ADCYAP1: variants seen among roughly 807,000 people sequenced by gnomAD.
ADCYAP1 encodes the protein adenylate cyclase activating polypeptide 1.
A neutral mutation model predicts 18.5 loss-of-function variants in ADCYAP1; 6 were observed. That is an observed-to-expected ratio of 0.32 (90% CI 0.18 to 0.64). The LOEUF (loss-of-function observed/expected upper bound fraction) is 0.64. Ranked by LOEUF, ADCYAP1 falls within the 30% of genes least tolerant of loss-of-function variation. ADCYAP1 has a pLI of 0.77. For synonymous variants in ADCYAP1, 136 were observed against 113.9 expected, an observed-to-expected ratio of 1.19 and a Z score of -1.24; for missense variants, 314 against 253.6, an observed-to-expected ratio of 1.24 and a Z score of -1.62.
chr18:904,812 GC>G, upstream of ADCYAP1: 1 of 1,285,156 alleles, frequency 7.8e-7, no homozygotes, highest in Non-Finnish European at 1.0e-6. Flanking sequence ...CTCTCTCTGC[GC>G]CCCCTTCTCT....
At position 905,304 on chromosome 18, in the gene ADCYAP1, G is replaced by A. The variant is rs569842982; in HGVS notation, c.-1-82G>A. 6.6e-5 allele frequency: 103 copies of A among 1,551,854 alleles called. 1 individual carries two copies. In the African/African-American group the frequency reaches 1.2e-3, roughly 18 times the overall value. ...GGGGCTTCGCTCCGTCCCTCCCCCGGCTTCCAGAGCTTTTTGGGGTTGGAG... is the reference window on the plus strand; with the variant it reads ...GGGGCTTCGCTCCGTCCCTCCCCCGACTTCCAGAGCTTTTTGGGGTTGGAG... On this transcript the variant is annotated intron_variant, in intron 1 of 4. Transcript: ENST00000450565.
intron 4 of ADCYAP1, 84 bp from the exon 5 acceptor site, chr18:909,362 T>A: frequency 1.4e-6 from 2 of 1,383,338 alleles, no homozygotes; most frequent in Non-Finnish European, 2.0e-6. Context: ...GGCTCCCGCG[T>A]GGGGTGGGGC....
At chr18:905,202 T>G (rs1893153) in intron 1 of ADCYAP1, 142 bp downstream of exon 1, 4 of 1,414,260 alleles carry the variant, frequency 2.8e-6, no homozygotes, top group Non-Finnish European at 2.8e-6. Flanking sequence ...ATATATATAT[T>G]TTTTTCTAAC....
rs1034569765 is a variant in ADCYAP1 at position 908,260 on chromosome 18, G to A, written c.243-5G>A. On this transcript the variant is annotated splice_region_variant and splice_polypyrimidine_tract_variant and intron_variant, in intron 3 of 4. Coordinates refer to ENST00000450565, the MANE Select transcript of ADCYAP1 (RefSeq NM_001099733.2). ...CCCTGGGCGCGCACTTTGCCTCCCCGTTAGAGATGTCGCCCACGGGATCCT... is the reference window on the plus strand; with the variant it reads ...CCCTGGGCGCGCACTTTGCCTCCCCATTAGAGATGTCGCCCACGGGATCCT... The A allele has an allele frequency of 1.5e-5, 24 of 1,610,868 alleles. No individual in the cohort carries two copies. The highest frequency in any genetic ancestry group is 1.3e-4 in the East Asian group (6 of 44,770).
rs770809469 is a variant in ADCYAP1 at position 907,708 on chromosome 18, G to A, written c.160G>A (p.Asp54Asn). 2.6e-6 allele frequency: 4 copies of A among 1,557,956 alleles called. No individual in the cohort carries two copies. The highest frequency in any genetic ancestry group is 2.4e-5 in the East Asian group (1 of 42,020). ...GGACGGAAACCCGCTGCCAGACTTC[G>A]ATGGCTCGGAGCCGCCGGGCGCAGG... ...GEDGNPLPDF[D>N]GSEPPGAGSP... Residue 54 changes from aspartate to asparagine, a missense_variant, in exon 3 of 5, where the codon GAT (aspartate) becomes AAT (asparagine). Asp to Asn is a conservative substitution (Grantham distance 23, BLOSUM62 1). Transcript: ENST00000450565.
In ADCYAP1 at chr18:908,378, A is replaced by G. The variant is rs765284213; in HGVS notation, c.341+15A>G. On this transcript the variant is annotated intron_variant, in intron 4 of 4. Coordinates refer to ENST00000450565, the MANE Select transcript of ADCYAP1 (RefSeq NM_001099733.2). ...CGGGGCGTGGGGTAAGAGTTTGTGG[A>G]AGGATTAACCTGCGCGCGCCGGGGT... The G allele has an allele frequency of 6.8e-6, 11 of 1,608,184 alleles. No homozygotes were observed. Among genetic ancestry groups the G allele is most frequent in the East Asian group, 2.2e-5 (1 of 44,666 alleles).
chr18:905,781 G>A (rs1347581508), intron 2 of ADCYAP1: 3 of 490,244 alleles, frequency 6.1e-6, no homozygotes, highest in African/African-American at 4.0e-5. Flanking sequence ...CCCCCAACCC[G>A]GCCCACAGGA....
At chr18:905,791 A>G (rs1909148455) in intron 2 of ADCYAP1, 1 of 481,748 alleles carries the variant, frequency 2.1e-6, no homozygotes, top group African/African-American at 2.0e-5. Flanking sequence ...GGCCCACAGG[A>G]TGGGGGCAGG....
At chr18:905,596 A>T in intron 2 of ADCYAP1, 100 bp downstream of exon 2, 1 of 1,354,102 alleles carries the variant, frequency 7.4e-7, no homozygotes, top group Non-Finnish European at 1.0e-6. Context: ...CCAGACTACT[A>T]GCATCGCCCT....
At chr18:905,679 C>T (rs1909142186) in intron 2 of ADCYAP1, 183 bp downstream of exon 2, 5 of 725,422 alleles carry the variant, frequency 6.9e-6, no homozygotes, top group Non-Finnish European at 8.8e-6. Context: ...GTCTGGCAGG[C>T]TCCGCGACTG....
chr18:905,464 T>C lies in ADCYAP1; in HGVS notation c.78T>C (p.Pro26=), dbSNP rs958463338. 5.0e-6 allele frequency: 8 copies of C among 1,610,372 alleles called. No individual in the cohort carries two copies. In the African/African-American group the frequency reaches 9.3e-5, roughly 19 times the overall value. The stretch of plus-strand genomic sequence containing the variant: ...TGCACAGCAGCGTCTACAGCTCACC[T>C]GCCGCCGCCGGACTCCGGTTCCCCG... ...IIMHSSVYSS[P]AAAGLRFPGI... The change falls in exon 2 of 5, where the codon CCT becomes CCC. Residue 26 remains proline, a synonymous_variant. Coordinates refer to ENST00000450565, the MANE Select transcript of ADCYAP1 (RefSeq NM_001099733.2).
intron 3 of ADCYAP1, 86 bp from the exon 4 acceptor site, chr18:908,179 G>A (rs1909249928): frequency 8.1e-7 from 1 of 1,241,264 alleles, no homozygotes; most frequent in Non-Finnish European, 1.1e-6. Flanking sequence ...GGCCGCCGAG[G>A]GGGCGCGCGC....
At chr18:909,410 G>T (rs1393399728) in intron 4 of ADCYAP1, 36 bp from the exon 5 acceptor site, 1 of 1,586,672 alleles carries the variant, frequency 6.3e-7, no homozygotes, top group Non-Finnish European at 8.6e-7. Context: ...TGTGTCTCCC[G>T]CCCCGCCACC....
At chr18:907,138 C>T (rs115879812) in intron 2 of ADCYAP1, among the ~76,000 whole-genome samples, 3 of 152,186 alleles carry the variant, frequency 2.0e-5, no homozygotes, top group Admixed American at 2.0e-4. Context: ...TACATCTGCT[C>T]GGAGAAGGGC....
Position 908,259 on chromosome 18 carries a change from C to T in ADCYAP1, c.243-6C>T. ...ACCCTGGGCGCGCACTTTGCCTCCC[C>T]GTTAGAGATGTCGCCCACGGGATCC... is the stretch of plus-strand genomic sequence containing the variant. On this transcript the variant is annotated splice_region_variant and splice_polypyrimidine_tract_variant and intron_variant, in intron 3 of 4. Coordinates refer to ENST00000450565, the MANE Select transcript of ADCYAP1 (RefSeq NM_001099733.2). 3.1e-6 allele frequency: 5 copies of T among 1,610,454 alleles called. No individual in the cohort carries two copies. Among genetic ancestry groups the T allele is most frequent in the South Asian group, 1.1e-5 (1 of 90,432 alleles).
chr18:905,601 C>A, intron 2 of ADCYAP1, 105 bp downstream of exon 2: 1 of 1,278,420 alleles, frequency 7.8e-7, no homozygotes, highest in Non-Finnish European at 1.1e-6. Flanking sequence ...CTACTAGCAT[C>A]GCCCTCTGCG....
At chr18:904,550 C>T (rs543454933), upstream of ADCYAP1, 3 of 1,289,050 alleles carry the variant, frequency 2.3e-6, no homozygotes, top group South Asian at 3.7e-5. Flanking sequence ...GCGGTAGCAG[C>T]AGCAGAAGCC....
intron 3 of ADCYAP1, 117 bp from the exon 4 acceptor site, chr18:908,148 G>A (rs551154197): frequency 1.7e-5 from 15 of 894,628 alleles, no homozygotes; most frequent in Admixed American, 2.3e-5. Context: ...GGCCTCTGGA[G>A]GTTTCCCTGT....
chr18:908,419 G>C (rs1909264577), intron 4 of ADCYAP1, 56 bp downstream of exon 4: 2 of 1,507,984 alleles, frequency 1.3e-6, no homozygotes, highest in Non-Finnish European at 1.8e-6. Context: ...CCTGTGCGGG[G>C]CGCGCGGGGC....
Sources: allele counts gnomAD v4.1 joint callset (sites outside exome capture counted in the v4.1 genomes callset), GRCh38; gene constraint gnomAD v4.1.1; transcripts MANE v1.5; gene names NCBI Gene and HGNC (gene_info 2026-07-23, HGNC 2026-07-21).